The following KIAA1217 variants were observed in gnomAD, a reference collection of about 807,000 sequenced individuals.
The protein encoded by KIAA1217 is sickle tail protein homolog.
Under a neutral mutation model 163.9 loss-of-function variants are expected in KIAA1217, and 88 were observed. That is an observed-to-expected ratio of 0.54 (90% CI 0.45 to 0.64). The LOEUF is 0.64. Among genes scored for constraint, KIAA1217 ranks in the 30% least tolerant of loss-of-function variants. The probability of loss-of-function intolerance (pLI) is 0.00; values close to 1 mark genes in which losing one functional copy is unlikely to be tolerated. For synonymous variants in KIAA1217, 903 were observed against 923.1 expected, an observed-to-expected ratio of 0.98 and a Z score of 0.39; for missense variants, 2,372 against 2,475.0, an observed-to-expected ratio of 0.96 and a Z score of 0.88.
rs2131000169 is a variant in KIAA1217, at chr10:23,817,322, CA to C, written c.-321+122091del. The stretch of plus-strand genomic sequence containing the variant: ...AGAAGAATCCATCCAGAAGAATTGT[CA>C]AATTATTTTTAAATGGCTATAGTTC... On this transcript the variant is annotated intron_variant, in intron 1 of 18. Coordinates refer to the KIAA1217 transcript ENST00000376462. Among the ~76,000 whole-genome samples, 3 of 152,226 alleles carry C rather than the reference CA, an allele frequency of 2.0e-5. No homozygotes were observed. The East Asian group carries it at 5.8e-4, about 29-fold the overall frequency.
chr10:24,058,726 T>C (rs1433033395), intron 2 of KIAA1217, among the ~76,000 whole-genome samples: 3 of 152,206 alleles, frequency 2.0e-5, no homozygotes, highest in African/African-American at 7.2e-5. Context: ...TTTTCATATG[T>C]TGATTTTATA....
intron 2 of KIAA1217, among the ~76,000 whole-genome samples, chr10:24,306,210 A>G (rs1043978013): frequency 6.6e-6 from 1 of 152,166 alleles, no homozygotes; most frequent in Non-Finnish European, 1.5e-5. Flanking sequence ...TGTCCTTTCT[A>G]CTGTTAATAC....
intron 1 of KIAA1217, among the ~76,000 whole-genome samples, chr10:23,836,506 C>A (rs965112846): frequency 1.4e-5 from 2 of 144,470 alleles, no homozygotes; most frequent in African/African-American, 5.4e-5. Context: ...CTTCTAGCCT[C>A]CAGAACTGCT....
intron 1 of KIAA1217, among the ~76,000 whole-genome samples, chr10:23,895,397 C>A (rs914453239): frequency 6.6e-6 from 1 of 152,180 alleles, no homozygotes; most frequent in African/African-American, 2.4e-5. Context: ...AAAAAATGCT[C>A]ACCATCACTG....
intron 1 of KIAA1217, among the ~76,000 whole-genome samples, chr10:23,741,086 C>T (rs1280369279): frequency 2.6e-5 from 4 of 152,122 alleles, no homozygotes; most frequent in Non-Finnish European, 4.4e-5. Flanking sequence ...TACACATAGC[C>T]GCAATCTGTG....
chr10:24,187,140 CT>C (rs35421509), intron 2 of KIAA1217, among the ~76,000 whole-genome samples: 99,875 of 151,352 alleles, frequency 0.66, 33,355 homozygotes, highest in Middle Eastern at 0.75. Flanking sequence ...TGTTCATTAA[CT>C]AATTGCAGAA....
intron 1 of KIAA1217, among the ~76,000 whole-genome samples, chr10:23,835,780 G>A (rs1428433229): frequency 5.3e-5 from 8 of 151,838 alleles, no homozygotes; most frequent in Non-Finnish European, 1.0e-4. Context: ...CCAAGTTGGC[G>A]GTGAAATTGA....
chr10:24,219,965 G>A (rs1168218959), intron 2 of KIAA1217, 56 bp downstream of exon 2: 3 of 1,489,784 alleles, frequency 2.0e-6, no homozygotes, highest in Non-Finnish European at 2.7e-6. Context: ...GAACATCGAG[G>A]AAAGCAAACT....
intron 1 of KIAA1217, among the ~76,000 whole-genome samples, chr10:23,776,411 T>C (rs1835010409): frequency 6.6e-6 from 1 of 151,446 alleles, no homozygotes; most frequent in Non-Finnish European, 1.5e-5. Flanking sequence ...GCCTAATTCA[T>C]TATTGCTTTA....
At chr10:24,301,233 G>C (rs1031690843) in intron 2 of KIAA1217, among the ~76,000 whole-genome samples, 5 of 152,018 alleles carry the variant, frequency 3.3e-5, no homozygotes, top group Non-Finnish European at 5.9e-5. Flanking sequence ...GCATCTTCAA[G>C]TTAGAACCAG....
chr10:23,775,854 T>C (rs1000855266), intron 1 of KIAA1217, among the ~76,000 whole-genome samples: 6 of 152,210 alleles, frequency 3.9e-5, no homozygotes, highest in African/African-American at 1.2e-4. Flanking sequence ...AGACTTTTTT[T>C]CCCACTGGTC....
intron 2 of KIAA1217, among the ~76,000 whole-genome samples, chr10:24,305,240 C>CAGT (rs2041878054): frequency 6.6e-6 from 1 of 152,156 alleles, no homozygotes; most frequent in African/African-American, 2.4e-5. Context: ...GCACAACAGC[C>CAGT]AGTAAGTCAA....
intron 3 of KIAA1217, among the ~76,000 whole-genome samples, chr10:24,394,375 G>A (rs2055415967): frequency 1.3e-5 from 2 of 152,186 alleles, no homozygotes; most frequent in South Asian, 4.2e-4. Flanking sequence ...ATAATATAAA[G>A]CTAAACATGA....
chr10:24,520,295 T>C, intron 11 of KIAA1217, 42 bp downstream of exon 11: 1 of 1,603,454 alleles, frequency 6.2e-7, no homozygotes, highest in Non-Finnish European at 8.5e-7. Flanking sequence ...TGAGCTGTCT[T>C]TCCTGCGGTG....
At chr10:24,026,978 T>C (rs1311586599) in intron 2 of KIAA1217, among the ~76,000 whole-genome samples, 4 of 152,088 alleles carry the variant, frequency 2.6e-5, no homozygotes, top group African/African-American at 4.8e-5. Flanking sequence ...CACTTCAAAG[T>C]ATTTTACAAT....
At position 24,364,415 on chromosome 10, in the gene KIAA1217, A is replaced by G. The variant is rs536965788; in HGVS notation, c.355-16454A>G. Reference sequence around the variant, plus strand: ...TCCAGTTTTCTTTTTTATTGCTCTTATTGTTGGGCTCAAAACTTTCCACAC... The same window carrying G: ...TCCAGTTTTCTTTTTTATTGCTCTTGTTGTTGGGCTCAAAACTTTCCACAC... On this transcript the variant is annotated intron_variant, in intron 2 of 20. Transcript: ENST00000376454. 8.3e-4 allele frequency among the ~76,000 whole-genome samples: 127 copies of G among 152,256 alleles called. 2 individuals carry two copies. Among genetic ancestry groups the G allele is most frequent in the Admixed American group, 3.3e-3 (51 of 15,300 alleles).
At chr10:23,842,873 T>C (rs894299127) in intron 1 of KIAA1217, among the ~76,000 whole-genome samples, 2 of 152,152 alleles carry the variant, frequency 1.3e-5, no homozygotes, top group Non-Finnish European at 2.9e-5. Flanking sequence ...ACAACAATTC[T>C]AAGTTTGAAC....
At chr10:23,786,415 T>C (rs1425908447) in intron 1 of KIAA1217, among the ~76,000 whole-genome samples, 1 of 152,036 alleles carries the variant, frequency 6.6e-6, no homozygotes, top group Admixed American at 6.6e-5. Context: ...CATGCCTCTA[T>C]GACAACAAAT....
At chr10:24,389,521 G>A (rs1245198646) in intron 3 of KIAA1217, among the ~76,000 whole-genome samples, 1 of 151,484 alleles carries the variant, frequency 6.6e-6, no homozygotes, top group African/African-American at 2.4e-5. Flanking sequence ...TGCACGTTGT[G>A]TACATGTACC....
Sources: gnomAD v4.1 joint callset for allele counts (sites outside exome capture counted in the v4.1 genomes callset) on GRCh38, gnomAD v4.1.1 for gene constraint, MANE v1.5 for transcripts, NCBI Gene and HGNC (gene_info 2026-07-23, HGNC 2026-07-21) for gene names.